MOB3B: variants seen among roughly 807,000 people sequenced by gnomAD.
MOB3B encodes the protein MOB kinase activator 3B, also known as MOB kinase activator-like 2B.
MOB3B carries 7 observed loss-of-function variants against 18.7 expected under a neutral mutation model. The ratio of observed to expected loss-of-function variants is 0.37; its 90% CI spans 0.21 to 0.70. The LOEUF (loss-of-function observed/expected upper bound fraction) is 0.70, where lower values mean the gene tolerates loss of function less well. Ranked by LOEUF, MOB3B falls within the 30% of genes least tolerant of loss-of-function variation. The pLI, the probability that MOB3B is intolerant of heterozygous loss-of-function variation, is 0.52. For synonymous variants in MOB3B, 111 were observed against 99.9 expected (o/e 1.11, Z -0.66); for missense variants, 253 against 281.3 (o/e 0.90, Z 0.72).
intron 1 of MOB3B, among the ~76,000 whole-genome samples, chr9:27,498,972 A>AT (rs1161209468): frequency 1.3e-5 from 2 of 152,214 alleles, no homozygotes; most frequent in African/African-American, 4.8e-5. Flanking sequence ...TTAACACAAG[A>AT]TTTTTTAAGC....
chr9:27,349,270 C>T (rs1296992576), intron 3 of MOB3B, among the ~76,000 whole-genome samples: 1 of 152,168 alleles, frequency 6.6e-6, no homozygotes. Flanking sequence ...CTCCTGAGAC[C>T]ACACAAGTGA....
At chr9:27,506,679 C>T (rs887794588) in intron 1 of MOB3B, among the ~76,000 whole-genome samples, 12 of 151,772 alleles carry the variant, frequency 7.9e-5, no homozygotes, top group South Asian at 2.1e-4. Context: ...TACAGGCACC[C>T]GCCACCACGC....
intron 1 of MOB3B, among the ~76,000 whole-genome samples, chr9:27,509,869 C>A (rs758511341): frequency 3.3e-5 from 5 of 152,126 alleles, no homozygotes; most frequent in Non-Finnish European, 5.9e-5. Context: ...GGATTACAGG[C>A]GCGCAGCACC....
intron 2 of MOB3B, among the ~76,000 whole-genome samples, chr9:27,372,866 A>G (rs1230916249): frequency 6.6e-6 from 1 of 152,226 alleles, no homozygotes; most frequent in African/African-American, 2.4e-5. Context: ...GTTTAATAAC[A>G]GTAGTGTTCA....
rs1822232045 is a variant in MOB3B, at chr9:27,420,585, A to ATATG, written c.418+34547_418+34548insCATA. Among the ~76,000 whole-genome samples the ATATG allele has an allele frequency of 3.3e-5, 4 of 121,040 alleles. No homozygotes were observed. The South Asian group carries it at 8.5e-4, about 26-fold the overall frequency. The allele number at this position is 121,040 out of a possible 152,430, so 79.4% of individuals were successfully genotyped here. On this transcript the variant is annotated intron_variant, in intron 2 of 3. Transcript: ENST00000262244. ...TATATATATATATATATATATATAT[A>ATATG]TATATATATATGGAATACTACACAG... is the stretch of plus-strand genomic sequence containing the variant.
intron 1 of MOB3B, among the ~76,000 whole-genome samples, chr9:27,528,215 C>T (rs1489482745): frequency 6.6e-6 from 1 of 152,210 alleles, no homozygotes; most frequent in Non-Finnish European, 1.5e-5. Context: ...ACTAGCCTGC[C>T]CTCCCGCCCT....
At chr9:27,452,958 A>G (rs570613023) in intron 2 of MOB3B, among the ~76,000 whole-genome samples, 9 of 152,312 alleles carry the variant, frequency 5.9e-5, no homozygotes, top group African/African-American at 1.7e-4. Context: ...TAAATTATAC[A>G]ATGTGGTGAC....
At chr9:27,450,088 T>C (rs1289069833) in intron 2 of MOB3B, among the ~76,000 whole-genome samples, 2 of 152,130 alleles carry the variant, frequency 1.3e-5, no homozygotes, top group African/African-American at 2.4e-5. Flanking sequence ...CTTGTTTTTA[T>C]ATTTTCAGAT....
chr9:27,419,019 G>A (rs774419173), intron 2 of MOB3B, among the ~76,000 whole-genome samples: 4 of 150,522 alleles, frequency 2.7e-5, no homozygotes, highest in Non-Finnish European at 5.9e-5. Context: ...GCGACCAAGC[G>A]GGGAATCAAA....
chr9:27,516,787 T>G (rs1026934826), intron 1 of MOB3B, among the ~76,000 whole-genome samples: 56 of 152,296 alleles, frequency 3.7e-4, no homozygotes, highest in African/African-American at 1.3e-3. Flanking sequence ...ATTCTTATAG[T>G]CTTACCACTT....
chr9:27,337,247 CT>C (rs1820877582), intron 3 of MOB3B, among the ~76,000 whole-genome samples: 1 of 152,374 alleles, frequency 6.6e-6, no homozygotes, highest in South Asian at 2.1e-4. Context: ...AGAAAGAGGG[CT>C]TTCTGGAAGC....
At chr9:27,409,656 T>C (rs556410111) in intron 2 of MOB3B, among the ~76,000 whole-genome samples, 169 of 152,210 alleles carry the variant, frequency 1.1e-3, no homozygotes, top group Middle Eastern at 3.4e-3. Context: ...GTAGCATTAC[T>C]TACAATAGCC....
chr9:27,424,820 G>T (rs1413051150), intron 2 of MOB3B, among the ~76,000 whole-genome samples: 1 of 152,136 alleles, frequency 6.6e-6, no homozygotes, highest in African/African-American at 2.4e-5. Context: ...AGTTATGTTG[G>T]TGCATCAGTA....
chr9:27,358,829 G>C, intron 3 of MOB3B: 2 of 750,540 alleles, frequency 2.7e-6, no homozygotes, highest in Non-Finnish European at 4.9e-6. Context: ...ACCTCTTGGA[G>C]GGTAATCTCG....
intron 2 of MOB3B, among the ~76,000 whole-genome samples, chr9:27,452,772 C>A (rs1822809997): frequency 6.6e-6 from 1 of 152,154 alleles, no homozygotes; most frequent in Admixed American, 6.6e-5. Flanking sequence ...CACAGAATAA[C>A]AAATACTGCA....
At chr9:27,523,167 A>T (rs1820367073) in intron 1 of MOB3B, among the ~76,000 whole-genome samples, 1 of 152,110 alleles carries the variant, frequency 6.6e-6, no homozygotes, top group African/African-American at 2.4e-5. Flanking sequence ...TTAAAATGAC[A>T]ATCCATTTTA....
chr9:27,364,739 A>C (rs1248856268), intron 2 of MOB3B, among the ~76,000 whole-genome samples: 2 of 151,348 alleles, frequency 1.3e-5, no homozygotes, highest in East Asian at 1.9e-4. Flanking sequence ...TTACATAAAC[A>C]TCTAAAAGGT....
At chr9:27,404,309 A>G (rs886238660) in intron 2 of MOB3B, among the ~76,000 whole-genome samples, 28 of 147,596 alleles carry the variant, frequency 1.9e-4, no homozygotes, top group African/African-American at 7.1e-4. Context: ...GTGCATATAA[A>G]CCACATTTTC....
chr9:27,370,226 T>C (rs1821396293), intron 2 of MOB3B, among the ~76,000 whole-genome samples: 1 of 152,124 alleles, frequency 6.6e-6, no homozygotes, highest in Non-Finnish European at 1.5e-5. Context: ...AGGAGGGTCC[T>C]GGCTGGGCGC....
Sources: allele counts gnomAD v4.1 joint callset (sites outside exome capture counted in the v4.1 genomes callset), GRCh38; gene constraint gnomAD v4.1.1; transcripts MANE v1.5; gene names NCBI Gene and HGNC (gene_info 2026-07-23, HGNC 2026-07-21).